Variants in SMIM14 observed in about 807,000 individuals in gnomAD.
The protein encoded by SMIM14 is small integral membrane protein 14, also known as chromosome 4 open reading frame 34.
Under a neutral mutation model 12.6 loss-of-function variants are expected in SMIM14, and 5 were observed. The observed-to-expected ratio is 0.40, with a 90% CI of 0.21 to 0.83. SMIM14 has a LOEUF of 0.83. SMIM14 is among the 40% of genes least tolerant of loss of function. The pLI is 0.37. For synonymous variants in SMIM14, 30 were observed against 40.1 expected (o/e 0.75, Z 0.95); for missense variants, 86 against 119.1 (o/e 0.72, Z 1.29).
At chr4:39,576,340 AAGAC>A (rs1482943992) in intron 2 of SMIM14, among the ~76,000 whole-genome samples, 2 of 151,882 alleles carry the variant, frequency 1.3e-5, no homozygotes, top group Non-Finnish European at 2.9e-5. Flanking sequence ...TTAAATTAGG[AAGAC>A]AGAGGCAGTG....
chr4:39,624,538 G>A (rs1158407043), intron 1 of SMIM14, among the ~76,000 whole-genome samples: 1 of 152,028 alleles, frequency 6.6e-6, no homozygotes, highest in African/African-American at 2.4e-5. Context: ...CTTCCTATTA[G>A]TTTGGCCAGG....
intron 1 of SMIM14, among the ~76,000 whole-genome samples, chr4:39,620,680 T>A (rs774350809): frequency 9.2e-5 from 14 of 152,234 alleles, no homozygotes; most frequent in Non-Finnish European, 1.9e-4. Flanking sequence ...CTATGTACTA[T>A]AGGAATGTAA....
At chr4:39,581,955 T>C (rs1327868519) in intron 2 of SMIM14, among the ~76,000 whole-genome samples, 2 of 151,144 alleles carry the variant, frequency 1.3e-5, no homozygotes, top group African/African-American at 4.9e-5. Context: ...CACTGCAACC[T>C]CCGCCTCCTG....
intron 2 of SMIM14, among the ~76,000 whole-genome samples, chr4:39,599,945 A>C (rs1282435791): frequency 6.6e-6 from 1 of 152,038 alleles, no homozygotes; most frequent in South Asian, 2.1e-4. Context: ...AAAAAAAAAA[A>C]AAAAAAGAAA....
chr4:39,566,245 CA>C (rs1320430809), intron 3 of SMIM14, among the ~76,000 whole-genome samples: 1 of 151,508 alleles, frequency 6.6e-6, no homozygotes, highest in Non-Finnish European at 1.5e-5. Context: ...AAAGGGAAGC[CA>C]AGGATGAGTC....
At chr4:39,595,505 G>C (rs1468910476) in intron 2 of SMIM14, among the ~76,000 whole-genome samples, 1 of 151,406 alleles carries the variant, frequency 6.6e-6, no homozygotes, top group Non-Finnish European at 1.5e-5. Flanking sequence ...GTATACATAT[G>C]TAACTAACCT....
At chr4:39,596,545 GT>G in intron 2 of SMIM14, among the ~76,000 whole-genome samples, 1 of 152,142 alleles carries the variant, frequency 6.6e-6, no homozygotes, top group Non-Finnish European at 1.5e-5. Context: ...ACTTACTTCA[GT>G]TTCCTTATCT....
chr4:39,546,584 A>AACTT lies in SMIM14; in HGVS notation c.*5538_*5541dup, dbSNP rs1349807299. The AACTT allele has an allele frequency of 6.6e-6, 1 of 152,262 alleles. No homozygotes were observed. Among genetic ancestry groups the AACTT allele is most frequent in the Non-Finnish European group, 1.5e-5 (1 of 68,044 alleles). 9.4% of individuals were successfully genotyped at this position (152,262 alleles called of 1,614,324 possible). ...ATCAGGTGAAATGCCAAGACCAAAA[A>AACTT]ACTTATTTTATTTGAATTCCATTTT... On this transcript the variant is annotated 3_prime_UTR_variant, in exon 5 of 5. Transcript: ENST00000295958.
chr4:39,554,670 T>C (rs906867839), intron 4 of SMIM14, among the ~76,000 whole-genome samples: 2 of 148,614 alleles, frequency 1.3e-5, no homozygotes, highest in Non-Finnish European at 3.0e-5. Flanking sequence ...TTTTTTTTTT[T>C]TTTTTGATGC....
At chr4:39,604,010 CAA>C (rs755443266) in intron 2 of SMIM14, among the ~76,000 whole-genome samples, 12 of 82,212 alleles carry the variant, frequency 1.5e-4, no homozygotes, top group Admixed American at 2.6e-4. Flanking sequence ...GACACTGTCT[CAA>C]AAAAAAAAAA....
intron 2 of SMIM14, among the ~76,000 whole-genome samples, chr4:39,600,955 A>G (rs1382740918): frequency 1.3e-5 from 2 of 152,170 alleles, no homozygotes; most frequent in Non-Finnish European, 2.9e-5. Context: ...AAAATTAAAA[A>G]TAGGGAATGT....
At chr4:39,555,587 A>G (rs1339225035) in intron 4 of SMIM14, among the ~76,000 whole-genome samples, 4 of 152,318 alleles carry the variant, frequency 2.6e-5, no homozygotes, top group South Asian at 4.1e-4. Flanking sequence ...TCACTTTATC[A>G]TAGTTTTAAT....
At chr4:39,576,686 T>TATATATATATATA (rs1560289819) in intron 2 of SMIM14, among the ~76,000 whole-genome samples, 1 of 4,698 alleles carries the variant, frequency 2.1e-4, no homozygotes, top group African/African-American at 1.0e-3. Flanking sequence ...ATATATATAT[T>TATATATATATATA]TTTTTTTTTT....
At chr4:39,624,160 AC>A (rs1715605840) in intron 1 of SMIM14, among the ~76,000 whole-genome samples, 2 of 152,306 alleles carry the variant, frequency 1.3e-5, no homozygotes, top group South Asian at 4.1e-4. Context: ...CATACACAAT[AC>A]TTTTTACAAA....
At chr4:39,556,361 G>C (rs553810912) in intron 4 of SMIM14, 67 bp downstream of exon 4, 1 of 1,482,094 alleles carries the variant, frequency 6.7e-7, no homozygotes, top group South Asian at 1.3e-5. Context: ...TCAAAACCAA[G>C]TCCTTCCCTG....
chr4:39,617,282 A>G (rs1033172767), intron 1 of SMIM14, among the ~76,000 whole-genome samples: 2 of 152,180 alleles, frequency 1.3e-5, no homozygotes, highest in Non-Finnish European at 2.9e-5. Context: ...TAGTTTTTGA[A>G]AGATGACCTA....
At chr4:39,563,281 C>T (rs940964693) in intron 3 of SMIM14, among the ~76,000 whole-genome samples, 3 of 152,060 alleles carry the variant, frequency 2.0e-5, no homozygotes, top group Admixed American at 1.3e-4. Flanking sequence ...AGGCTGGTCT[C>T]GAACTCCTGA....
intron 1 of SMIM14, among the ~76,000 whole-genome samples, chr4:39,634,216 C>T (rs1258973913): frequency 2.6e-5 from 4 of 152,140 alleles, no homozygotes; most frequent in African/African-American, 9.7e-5. Context: ...CATGAGCCAC[C>T]GCGCCCAGCC....
intron 1 of SMIM14, among the ~76,000 whole-genome samples, chr4:39,630,811 G>A (rs1427389738): frequency 2.7e-5 from 4 of 149,336 alleles, no homozygotes; most frequent in Admixed American, 1.3e-4. Flanking sequence ...GCAGTGAGCC[G>A]AGACTATGCT....
Sources: gnomAD v4.1 joint callset for allele counts (sites outside exome capture counted in the v4.1 genomes callset) on GRCh38, gnomAD v4.1.1 for gene constraint, MANE v1.5 for transcripts, NCBI Gene and HGNC (gene_info 2026-07-23, HGNC 2026-07-21) for gene names.